Variants in COP1 observed in about 807,000 individuals in gnomAD.
The protein encoded by COP1 is COP1 E3 ubiquitin ligase, also known as E3 ubiquitin-protein ligase COP1.
COP1 carries 24 observed loss-of-function variants against 101.3 expected under a neutral mutation model. The ratio of observed to expected loss-of-function variants is 0.24; its 90% confidence interval spans 0.17 to 0.33. The LOEUF (loss-of-function observed/expected upper bound fraction) is 0.33. COP1 is among the 10% of genes least tolerant of loss of function. The pLI is 1.00. For synonymous variants in COP1, 347 were observed against 341.9 expected, an observed-to-expected ratio of 1.01 and a Z score of -0.17; for missense variants, 663 against 906.2, an observed-to-expected ratio of 0.73 and a Z score of 3.45.
chr1:175,965,835 G>A (rs1416198136), intron 18 of COP1, among the ~76,000 whole-genome samples: 2 of 152,082 alleles, frequency 1.3e-5, no homozygotes, highest in African/African-American at 4.8e-5. Context: ...ACCCGCCTCA[G>A]CCTCCTAAAG....
chr1:176,012,300 A>C (rs1194490371), intron 15 of COP1, among the ~76,000 whole-genome samples: 1 of 152,128 alleles, frequency 6.6e-6, no homozygotes, highest in African/African-American at 2.4e-5. Context: ...TGCTCCACTA[A>C]GTTTTTGTGG....
At chr1:176,007,925 G>A (rs533638054) in intron 15 of COP1, among the ~76,000 whole-genome samples, 25 of 152,318 alleles carry the variant, frequency 1.6e-4, no homozygotes, top group African/African-American at 5.3e-4. Context: ...GGGTAATGGC[G>A]GGCGCCCCTC....
chr1:175,962,141 A>T (rs1266819437), intron 18 of COP1, among the ~76,000 whole-genome samples: 2 of 152,134 alleles, frequency 1.3e-5, no homozygotes, highest in Non-Finnish European at 2.9e-5. Context: ...GTTGTAGATC[A>T]GAATATGCCA....
At chr1:176,178,412 A>G (rs1298843869) in intron 2 of COP1, among the ~76,000 whole-genome samples, 2 of 151,930 alleles carry the variant, frequency 1.3e-5, no homozygotes, top group Non-Finnish European at 2.9e-5. Context: ...GGTTGTAGCT[A>G]ATCAGGAGGC....
intron 16 of COP1, chr1:175,989,137 T>G: frequency 2.8e-6 from 1 of 355,706 alleles, no homozygotes; most frequent in Non-Finnish European, 5.1e-6. Flanking sequence ...TATAAAAAAC[T>G]AGTATCTTCA....
At chr1:176,191,616 C>T (rs995843460) in intron 1 of COP1, among the ~76,000 whole-genome samples, 1 of 151,990 alleles carries the variant, frequency 6.6e-6, no homozygotes, top group Non-Finnish European at 1.5e-5. Context: ...ACCTCAAACT[C>T]TTCTTTACAC....
At chr1:176,072,250 A>G (rs1161823740) in intron 11 of COP1, among the ~76,000 whole-genome samples, 1 of 152,212 alleles carries the variant, frequency 6.6e-6, no homozygotes, top group Non-Finnish European at 1.5e-5. Flanking sequence ...ATATGTGGAC[A>G]TATATGGACA....
intron 11 of COP1, among the ~76,000 whole-genome samples, chr1:176,073,824 C>G (rs1677451028): frequency 6.6e-6 from 1 of 152,242 alleles, no homozygotes; most frequent in Non-Finnish European, 1.5e-5. Flanking sequence ...CAGATTATCA[C>G]TGCAGTAAGT....
intron 9 of COP1, among the ~76,000 whole-genome samples, chr1:176,103,871 T>C (rs1683858065): frequency 1.3e-5 from 2 of 152,020 alleles, no homozygotes; most frequent in Admixed American, 6.6e-5. Flanking sequence ...ATTGGTAAGA[T>C]AAAGGCAGTT....
intron 14 of COP1, among the ~76,000 whole-genome samples, chr1:176,042,098 C>T (rs895157169): frequency 2.0e-5 from 3 of 151,276 alleles, no homozygotes; most frequent in African/African-American, 4.9e-5. Flanking sequence ...GGCAGCAGAG[C>T]GAGATTACGT....
At chr1:176,009,998 A>G (rs1205764222) in intron 15 of COP1, among the ~76,000 whole-genome samples, 1 of 152,010 alleles carries the variant, frequency 6.6e-6, no homozygotes, top group Non-Finnish European at 1.5e-5. Context: ...GGTACAGTCA[A>G]TTACTGTTTT....
intron 15 of COP1, among the ~76,000 whole-genome samples, chr1:176,009,299 A>G (rs1218478432): frequency 6.6e-6 from 1 of 152,218 alleles, no homozygotes; most frequent in Non-Finnish European, 1.5e-5. Context: ...TGGGTCAAAT[A>G]GTAACAATAT....
At chr1:175,974,958 C>T (rs1571332934) in intron 18 of COP1, among the ~76,000 whole-genome samples, 1 of 151,148 alleles carries the variant, frequency 6.6e-6, no homozygotes, top group South Asian at 2.1e-4. Flanking sequence ...AAAGAAAACC[C>T]CCCAAAATTG....
chr1:176,131,517 G>A (rs1688891343), intron 8 of COP1, among the ~76,000 whole-genome samples: 1 of 151,632 alleles, frequency 6.6e-6, no homozygotes, highest in Non-Finnish European at 1.5e-5. Flanking sequence ...ATTCATTATA[G>A]AAAACTAACA....
chr1:176,053,411 C>T (rs556932460), intron 11 of COP1, among the ~76,000 whole-genome samples: 19 of 152,280 alleles, frequency 1.2e-4, no homozygotes, highest in Admixed American at 7.8e-4. Context: ...TACCAACCCA[C>T]GAGTTCTTGG....
intron 14 of COP1, among the ~76,000 whole-genome samples, chr1:176,041,385 T>C (rs540492174): frequency 6.7e-6 from 1 of 149,134 alleles, no homozygotes; most frequent in South Asian, 2.1e-4. Context: ...TCTCGCTCTG[T>C]CATCCAGGCT....
intron 3 of COP1, among the ~76,000 whole-genome samples, chr1:176,168,014 G>C (rs915187310): frequency 1.3e-5 from 2 of 151,698 alleles, no homozygotes; most frequent in African/African-American, 4.8e-5. Context: ...TTTTTTATTA[G>C]TGGTTAAGAG....
chr1:176,186,569 C>G (rs551363238), intron 1 of COP1, among the ~76,000 whole-genome samples: 1 of 152,144 alleles, frequency 6.6e-6, no homozygotes, highest in African/African-American at 2.4e-5. Context: ...AAGGGCACCT[C>G]AAAGAACTAA....
At chr1:176,008,848 G>A (rs887115719) in intron 15 of COP1, among the ~76,000 whole-genome samples, 21 of 152,056 alleles carry the variant, frequency 1.4e-4, no homozygotes, top group Non-Finnish European at 2.4e-4. Flanking sequence ...ATTTATTTTT[G>A]TTTTTATTTT....
Sources: allele counts gnomAD v4.1 joint callset (sites outside exome capture counted in the v4.1 genomes callset), GRCh38; gene constraint gnomAD v4.1.1; transcripts MANE v1.5; gene names NCBI Gene and HGNC (gene_info 2026-07-23, HGNC 2026-07-21).